Variants in METTL2B observed in about 807,000 individuals in gnomAD.
METTL2B encodes methyltransferase 2B, tRNA N3-cytidine.
Under a neutral mutation model 51.0 loss-of-function variants are expected in METTL2B, and 28 were observed. The observed-to-expected ratio is 0.55, with a 90% CI of 0.41 to 0.75. The LOEUF (loss-of-function observed/expected upper bound fraction) is 0.75. Ranked by LOEUF, METTL2B falls within the 30% of genes least tolerant of loss-of-function variation. The probability of loss-of-function intolerance (pLI) is 0.00; values close to 1 mark genes in which losing one functional copy is unlikely to be tolerated. For missense variants in METTL2B, 313 were observed against 460.7 expected, an observed-to-expected ratio of 0.68 and a Z score of 2.93; for synonymous variants, 128 against 166.3, an observed-to-expected ratio of 0.77 and a Z score of 1.77.
At chr7:128,477,627 G>T (rs1472550437) in intron 2 of METTL2B, among the ~76,000 whole-genome samples, 1 of 151,922 alleles carries the variant, frequency 6.6e-6, no homozygotes, top group Admixed American at 6.6e-5. Flanking sequence ...TTGTGTGATG[G>T]TTATGAGAAT....
chr7:128,490,392 C>G (rs1359903509), intron 5 of METTL2B, among the ~76,000 whole-genome samples: 1 of 144,014 alleles, frequency 6.9e-6, no homozygotes, highest in African/African-American at 2.6e-5. Flanking sequence ...GTGACACAAT[C>G]ATAGCCCACT....
intron 8 of METTL2B, 48 bp downstream of exon 8, chr7:128,501,016 G>T: frequency 6.2e-7 from 1 of 1,612,202 alleles, no homozygotes; most frequent in South Asian, 1.1e-5. Flanking sequence ...GTACCAGATG[G>T]TCTTCAAGGC....
intron 8 of METTL2B, chr7:128,501,523 T>A: frequency 4.1e-6 from 4 of 985,430 alleles, no homozygotes; most frequent in Non-Finnish European, 4.8e-6. Context: ...TCATAGAGCC[T>A]AAAGGCCAAA....
rs1263109343 is a variant in METTL2B at position 128,502,099 on chromosome 7, A to C, written c.*183A>C. 1.4e-6 allele frequency: 1 copy of C among 707,084 alleles called. No homozygotes were observed. The highest frequency in any genetic ancestry group is 2.2e-6 in the Non-Finnish European group (1 of 450,228). The allele number at this position is 707,084 out of a possible 1,614,324, so 43.8% of individuals were successfully genotyped here. ...AATAGCGAGAGACCCTGAATCTGAA[A>C]GTAATGATAAAATAAAAAGAATATA... is the stretch of plus-strand genomic sequence containing the variant. On this transcript the variant is annotated 3_prime_UTR_variant, in exon 9 of 9. Transcript: ENST00000262432.
Position 128,488,270 on chromosome 7 carries a change from C to T in METTL2B, c.669+109C>T, listed in dbSNP as rs546013418. ...TGTTCTTATACGGTCTGTGTTCTTACGGTCTAAAAGTAAAAGATTTACTGA... is the reference window on the plus strand; with the variant it reads ...TGTTCTTATACGGTCTGTGTTCTTATGGTCTAAAAGTAAAAGATTTACTGA... On this transcript the variant is annotated intron_variant, in intron 5 of 8. Coordinates refer to ENST00000262432, the MANE Select transcript of METTL2B (RefSeq NM_018396.3). 120 of 1,310,862 alleles carry T rather than the reference C, an allele frequency of 9.2e-5. 1 individual carries two copies. In the African/African-American group the frequency reaches 1.4e-3, roughly 15 times the overall value. 81.2% of individuals were successfully genotyped at this position (1,310,862 alleles called of 1,614,324 possible). A position where few individuals can be genotyped will look rare whatever the true frequency, so the allele number is the denominator to read the frequency against.
intron 5 of METTL2B, among the ~76,000 whole-genome samples, chr7:128,493,207 T>TA (rs1792866434): frequency 7.0e-6 from 1 of 142,796 alleles, no homozygotes; most frequent in South Asian, 2.1e-4. Flanking sequence ...TGCCATTACT[T>TA]TTTTTTTTTT....
In METTL2B at chr7:128,501,990, G is replaced by T. The variant is rs1584799168; in HGVS notation, c.*74G>T. 1 of 1,591,084 alleles carries T rather than the reference G, an allele frequency of 6.3e-7. No individual in the cohort carries two copies. Among genetic ancestry groups the T allele is most frequent in the African/African-American group, 1.3e-5 (1 of 74,608 alleles). On this transcript the variant is annotated 3_prime_UTR_variant, in exon 9 of 9. Transcript: ENST00000262432. ...TTTTAAAAAAAAATTTGTAGCACCG[G>T]GCATGGTGCATGCCTGTAATCCCAG... is the stretch of plus-strand genomic sequence containing the variant.
intron 5 of METTL2B, among the ~76,000 whole-genome samples, chr7:128,491,154 CA>C (rs56007742): frequency 7.3e-4 from 75 of 103,058 alleles, no homozygotes; most frequent in African/African-American, 2.6e-3. Flanking sequence ...GACTCCATCT[CA>C]AAAAAAAAAA....
At chr7:128,477,830 C>G (rs187663993) in intron 2 of METTL2B, 12 of 332,842 alleles carry the variant, frequency 3.6e-5, no homozygotes, top group Middle Eastern at 3.9e-4. Context: ...TTCTGTACAA[C>G]AAAAAGGTTC....
chr7:128,496,211 G>C lies in METTL2B; in HGVS notation c.810-1825G>C, dbSNP rs192572283. On this transcript the variant is annotated intron_variant, in intron 6 of 8. Coordinates refer to ENST00000262432, the MANE Select transcript of METTL2B (RefSeq NM_018396.3). ...TGAGTGTGAAATAAAGGCATATGCA[G>C]GATAACCCAAAAGGCCTACCATGGT... 2.6e-3 allele frequency among the ~76,000 whole-genome samples: 392 copies of C among 152,248 alleles called. 1 individual carries two copies. The highest frequency in any genetic ancestry group is 4.5e-3 in the Non-Finnish European group (306 of 68,018).
At chr7:128,478,692 C>T (rs1262447157) in intron 2 of METTL2B, among the ~76,000 whole-genome samples, 2 of 146,786 alleles carry the variant, frequency 1.4e-5, no homozygotes, top group East Asian at 2.1e-4. Flanking sequence ...GGTGAAACCC[C>T]GTCTGTACTA....
Position 128,480,540 on chromosome 7 carries a change from A to T in METTL2B, c.559-107A>T, listed in dbSNP as rs959227063. 8 of 1,550,180 alleles carry T rather than the reference A, an allele frequency of 5.2e-6. No individual in the cohort carries two copies. In the African/African-American group the frequency reaches 1.1e-4, roughly 21 times the overall value. On this transcript the variant is annotated intron_variant, in intron 3 of 8. Coordinates refer to ENST00000262432, the MANE Select transcript of METTL2B (RefSeq NM_018396.3). ...TAGCTCTGGTCACTACACCTTCCCT[A>T]ATACAGTTAGGCCAGATTCTTGTTG...
intron 6 of METTL2B, among the ~76,000 whole-genome samples, 196 bp downstream of exon 6, chr7:128,494,139 C>T (rs145604531): frequency 0.014 from 2,118 of 152,240 alleles, 23 homozygotes; most frequent in Non-Finnish European, 0.02. Context: ...ACCACAGGCA[C>T]GTGCCACCAG....
chr7:128,495,008 G>A (rs916508060), intron 6 of METTL2B, among the ~76,000 whole-genome samples: 3 of 148,108 alleles, frequency 2.0e-5, no homozygotes, highest in Non-Finnish European at 4.5e-5. Context: ...TCCACCTCCC[G>A]GGTTCAACCA....
chr7:128,479,432 G>A lies in METTL2B; in HGVS notation c.477G>A (p.Glu159=). 6.2e-7 allele frequency: 1 copy of A among 1,614,174 alleles called. No homozygotes were observed. The highest frequency in any genetic ancestry group is 8.5e-7 in the Non-Finnish European group (1 of 1,179,986). Reference sequence around the variant, plus strand: ...AAACACAGACACCTCCTGTGGAGGAGAATGTAACTCAGAAAATTAGTGACC... The same window carrying A: ...AAACACAGACACCTCCTGTGGAGGAAAATGTAACTCAGAAAATTAGTGACC... ...EHKTQTPPVE[E]NVTQKISDLE... The change falls in exon 3 of 9, where the codon GAG becomes GAA. Residue 159 remains glutamate (E), a synonymous_variant. Coordinates refer to ENST00000262432, the MANE Select transcript of METTL2B (RefSeq NM_018396.3).
intron 1 of METTL2B, 30 bp from the exon 2 acceptor site, chr7:128,477,052 G>A: frequency 6.2e-7 from 1 of 1,614,144 alleles, no homozygotes; most frequent in South Asian, 1.1e-5. Flanking sequence ...AGGACGTGAA[G>A]CCCCTAAGCT....
chr7:128,484,906 C>G (rs1010537294), intron 4 of METTL2B, among the ~76,000 whole-genome samples: 1 of 152,090 alleles, frequency 6.6e-6, no homozygotes, highest in Non-Finnish European at 1.5e-5. Context: ...TAAGTTAATT[C>G]ACAGAGTTGT....
intron 6 of METTL2B, among the ~76,000 whole-genome samples, chr7:128,495,212 C>T (rs1178560659): frequency 1.3e-5 from 2 of 152,102 alleles, no homozygotes; most frequent in Admixed American, 6.6e-5. Context: ...TGAGCCACCA[C>T]GCCCAGCCTA....
chr7:128,503,268 A>T lies in METTL2B; in HGVS notation c.*1352A>T, dbSNP rs1793063628. On this transcript the variant is annotated 3_prime_UTR_variant, in exon 9 of 9. Coordinates refer to ENST00000262432, the MANE Select transcript of METTL2B (RefSeq NM_018396.3). ...GCATTCCAGCCTGGGCAACAGAGGA[A>T]GACTCTGTCTCAAAAAAATAAAAGA... 6.6e-6 allele frequency: 1 copy of T among 152,162 alleles called. No homozygotes were observed. Among genetic ancestry groups the T allele is most frequent in the African/African-American group, 2.4e-5 (1 of 41,372 alleles). The allele number at this position is 152,162 out of a possible 1,614,324, so 9.4% of individuals were successfully genotyped here.
Sources: gnomAD v4.1 joint callset for allele counts (sites outside exome capture counted in the v4.1 genomes callset) on GRCh38, gnomAD v4.1.1 for gene constraint, MANE v1.5 for transcripts, NCBI Gene and HGNC (gene_info 2026-07-23, HGNC 2026-07-21) for gene names.